CDH13: variants seen among roughly 807,000 people sequenced by gnomAD.
The protein encoded by CDH13 is cadherin-13.
In CDH13, 24 loss-of-function variants were observed where a neutral mutation model predicts 63.8. The ratio of observed to expected loss-of-function variants is 0.38; its 90% confidence interval spans 0.27 to 0.53. The LOEUF is 0.53. Among genes scored for constraint, CDH13 ranks in the 20% least tolerant of loss-of-function variants. The pLI is 0.85. For synonymous variants in CDH13, 503 were observed against 355.3 expected, an observed-to-expected ratio of 1.42 and a Z score of -4.67; for missense variants, 1,049 against 903.1, an observed-to-expected ratio of 1.16 and a Z score of -2.07.
At chr16:83,691,663 G>C (rs6563970) in intron 10 of CDH13, among the ~76,000 whole-genome samples, 151,793 of 152,122 alleles carry the variant, frequency 1, 75,732 homozygotes, top group Middle Eastern at 1. Context: ...CAGCCCGACC[G>C]CAAATCAGCA....
At chr16:83,246,984 A>G (rs1237019117) in intron 5 of CDH13, among the ~76,000 whole-genome samples, 2 of 152,204 alleles carry the variant, frequency 1.3e-5, no homozygotes, top group Non-Finnish European at 2.9e-5. Flanking sequence ...TGACTTCAGC[A>G]TCCGGGGTAG....
intron 3 of CDH13, among the ~76,000 whole-genome samples, chr16:83,084,219 C>T (rs1189112926): frequency 6.6e-6 from 1 of 152,172 alleles, no homozygotes. Context: ...GCATTATTAG[C>T]TGAGGAAAAA....
At chr16:83,554,394 A>T (rs2150676116) in intron 7 of CDH13, among the ~76,000 whole-genome samples, 1 of 152,274 alleles carries the variant, frequency 6.6e-6, no homozygotes, top group South Asian at 2.1e-4. Context: ...AGGAGCATAT[A>T]ATGGTGATGG....
At chr16:83,118,101 C>T (rs1234505467) in intron 3 of CDH13, among the ~76,000 whole-genome samples, 1 of 152,194 alleles carries the variant, frequency 6.6e-6, no homozygotes, top group African/African-American at 2.4e-5. Flanking sequence ...GAGGCTGCAG[C>T]AGGCCTCGGA....
intron 7 of CDH13, among the ~76,000 whole-genome samples, chr16:83,593,614 T>G (rs911324333): frequency 4.0e-5 from 6 of 151,660 alleles, no homozygotes; most frequent in African/African-American, 1.2e-4. Flanking sequence ...ATACAGTATA[T>G]AAAACATGTT....
chr16:82,847,557 A>G (rs191386896), intron 1 of CDH13, among the ~76,000 whole-genome samples: 9 of 152,256 alleles, frequency 5.9e-5, no homozygotes, highest in Non-Finnish European at 7.3e-5. Context: ...CTGTGATTAC[A>G]TTGGGTTTAC....
At chr16:83,470,145 G>A (rs190487219) in intron 6 of CDH13, among the ~76,000 whole-genome samples, 1 of 152,086 alleles carries the variant, frequency 6.6e-6, no homozygotes, top group African/African-American at 2.4e-5. Context: ...GCACACTCTC[G>A]CTTTGACATT....
intron 1 of CDH13, 100 bp from the exon 2 acceptor site, chr16:82,858,262 C>A (rs112552634): frequency 1.4e-6 from 1 of 702,406 alleles, no homozygotes; most frequent in Non-Finnish European, 2.5e-6. Context: ...GAAATGAAAT[C>A]AAAACCTCAG....
chr16:83,017,619 G>A (rs978873033), intron 2 of CDH13, among the ~76,000 whole-genome samples: 5 of 152,122 alleles, frequency 3.3e-5, no homozygotes, highest in South Asian at 2.1e-4. Context: ...TTTAGTCCAC[G>A]GACTGACATA....
intron 10 of CDH13, chr16:83,726,103 C>T (rs912618148): frequency 6.6e-6 from 1 of 152,246 alleles, no homozygotes; most frequent in African/African-American, 2.4e-5. Context: ...GTAGAGAAAA[C>T]TGGACCTTGG....
intron 5 of CDH13, among the ~76,000 whole-genome samples, chr16:83,265,768 T>C (rs1380732308): frequency 6.9e-6 from 1 of 144,514 alleles, no homozygotes; most frequent in Non-Finnish European, 1.5e-5. Context: ...TGTGTCATGT[T>C]AGAAGGGTTG....
intron 3 of CDH13, among the ~76,000 whole-genome samples, chr16:83,103,788 A>G (rs747413862): frequency 2.6e-5 from 4 of 152,232 alleles, no homozygotes; most frequent in Non-Finnish European, 5.9e-5. Context: ...CTTAGTGCCT[A>G]ATTCACAGTA....
intron 7 of CDH13, among the ~76,000 whole-genome samples, chr16:83,509,073 C>T (rs981361760): frequency 9.8e-5 from 15 of 152,288 alleles, no homozygotes; most frequent in African/African-American, 2.9e-4. Flanking sequence ...TATTTGAAGC[C>T]AAGTTTCCAT....
intron 5 of CDH13, among the ~76,000 whole-genome samples, chr16:83,278,123 A>T (rs2089050240): frequency 1.3e-5 from 2 of 152,246 alleles, no homozygotes; most frequent in South Asian, 2.1e-4. Flanking sequence ...CCTTTAAAAA[A>T]AAATGCATTA....
chr16:82,842,131 T>C lies in CDH13; in HGVS notation c.46-16231T>C, dbSNP rs62035171. ...ATATATGTATATATATATATATATA[T>C]ATATATACACATATATATATATATA... On this transcript the variant is annotated intron_variant, in intron 1 of 13. Coordinates refer to ENST00000567109, the MANE Select transcript of CDH13 (RefSeq NM_001257.5). 2.6e-3 allele frequency among the ~76,000 whole-genome samples: 128 copies of C among 48,612 alleles called. 9 individuals carry two copies. Among genetic ancestry groups the C allele is most frequent in the Non-Finnish European group, 5.2e-3 (108 of 20,832 alleles). 31.9% of individuals were successfully genotyped at this position (48,612 alleles called of 152,430 possible). A position where few individuals can be genotyped will look rare whatever the true frequency, so the allele number is the denominator to read the frequency against.
intron 7 of CDH13, among the ~76,000 whole-genome samples, chr16:83,499,096 G>C (rs191976993): frequency 1.3e-5 from 2 of 152,108 alleles, no homozygotes. Flanking sequence ...GGTTTTTGTT[G>C]GATCTTTGTT....
chr16:82,980,351 G>A (rs1372839161), intron 2 of CDH13, among the ~76,000 whole-genome samples: 1 of 152,146 alleles, frequency 6.6e-6, no homozygotes, highest in Non-Finnish European at 1.5e-5. Context: ...GGTCCGTAAA[G>A]ACCAATCTCC....
intron 5 of CDH13, among the ~76,000 whole-genome samples, chr16:83,271,056 C>A (rs953210377): frequency 6.6e-6 from 1 of 151,786 alleles, no homozygotes; most frequent in African/African-American, 2.4e-5. Flanking sequence ...ACCACCAGCT[C>A]CCTGCTTTTA....
chr16:82,967,645 G>A (rs1908048786), intron 2 of CDH13, among the ~76,000 whole-genome samples: 1 of 150,428 alleles, frequency 6.6e-6, no homozygotes, highest in Non-Finnish European at 1.5e-5. Context: ...GGAAAGCCAG[G>A]TCGGAGAACA....
Sources: allele counts gnomAD v4.1 joint callset (sites outside exome capture counted in the v4.1 genomes callset), GRCh38; gene constraint gnomAD v4.1.1; transcripts MANE v1.5; gene names NCBI Gene and HGNC (gene_info 2026-07-23, HGNC 2026-07-21).